EDA: variants seen among roughly 807,000 people sequenced by gnomAD.
The protein encoded by EDA is ectodysplasin-A.
EDA carries 2 observed loss-of-function variants against 23.6 expected under a neutral mutation model. The ratio of observed to expected loss-of-function variants is 0.08; its 90% CI spans 0.03 to 0.27. The LOEUF is 0.27. Ranked by LOEUF, EDA falls within the 10% of genes least tolerant of loss-of-function variation. The pLI is 1.00. For missense variants in EDA, 229 were observed against 324.2 expected, an observed-to-expected ratio of 0.71 and a Z score of 2.26; for synonymous variants, 131 against 132.0, an observed-to-expected ratio of 0.99 and a Z score of 0.05.
chrX:69,865,337 G>A (rs2017468136), intron 1 of EDA, among the ~76,000 whole-genome samples: 1 of 110,128 alleles, frequency 9.1e-6, no homozygotes, highest in Non-Finnish European at 1.9e-5. Context: ...TATATATAGT[G>A]GGATCACAAG....
At chrX:69,623,750 C>T (rs750750263) in intron 1 of EDA, among the ~76,000 whole-genome samples, 2 of 107,953 alleles carry the variant, frequency 1.9e-5, no homozygotes, top group South Asian at 4.1e-4. Context: ...TAGATATTGC[C>T]GTGTCTCTAT....
At chrX:69,825,196 G>A (rs368419847) in intron 1 of EDA, among the ~76,000 whole-genome samples, 1,057 of 93,743 alleles carry the variant, frequency 0.011, 10 homozygotes, top group African/African-American at 0.04. Context: ...TTGGTATCAG[G>A]ATGATGCTGG....
chrX:69,829,017 C>G (rs928694289), intron 1 of EDA, among the ~76,000 whole-genome samples: 1 of 112,441 alleles, frequency 8.9e-6, no homozygotes, highest in African/African-American at 3.2e-5. Flanking sequence ...AAATAGTCCA[C>G]TTATGCCCCT....
At chrX:69,619,079 C>T (rs1487496722) in intron 1 of EDA, among the ~76,000 whole-genome samples, 3 of 112,121 alleles carry the variant, frequency 2.7e-5, no homozygotes, top group Non-Finnish European at 3.8e-5. Flanking sequence ...GATTCTGATT[C>T]AGTAAATAAG....
chrX:69,852,109 G>A (rs1040685703), intron 1 of EDA, among the ~76,000 whole-genome samples: 3 of 111,952 alleles, frequency 2.7e-5, no homozygotes, highest in African/African-American at 9.7e-5. Flanking sequence ...TTCACGGAGG[G>A]TAGGAAGTTT....
chrX:69,798,019 A>G (rs768306156), intron 1 of EDA, among the ~76,000 whole-genome samples: 2 of 112,024 alleles, frequency 1.8e-5, no homozygotes, highest in Non-Finnish European at 3.8e-5. Flanking sequence ...GAGCAGGAGT[A>G]GCTATACTTA....
rs780018693 is a variant in EDA, at chrX:69,711,422, G to A, written c.396+94718G>A. ...GTATTTTATTGAGGATTTTTGCATC[G>A]ATGTACATCAGGGATATTGGTCTAA... On this transcript the variant is annotated intron_variant, in intron 1 of 7. Coordinates refer to ENST00000374552, the MANE Select transcript of EDA (RefSeq NM_001399.5). 4.6e-4 allele frequency among the ~76,000 whole-genome samples: 51 copies of A among 111,433 alleles called. No individual in the cohort carries two copies. In the South Asian group the frequency reaches 6.4e-3, roughly 14 times the overall value.
chrX:69,882,657 A>G, intron 1 of EDA, among the ~76,000 whole-genome samples: 2 of 111,799 alleles, frequency 1.8e-5, no homozygotes, highest in South Asian at 7.6e-4. Context: ...CTTCAGTGGA[A>G]ATATACACTG....
chrX:69,621,337 T>C (rs1192105328), intron 1 of EDA, among the ~76,000 whole-genome samples: 1 of 112,252 alleles, frequency 8.9e-6, no homozygotes, highest in Admixed American at 9.4e-5. Flanking sequence ...CATTTCTTTC[T>C]TTTATTAAAA....
At chrX:69,714,082 C>T (rs2012210066) in intron 1 of EDA, among the ~76,000 whole-genome samples, 1 of 111,176 alleles carries the variant, frequency 9.0e-6, no homozygotes, top group Non-Finnish European at 1.9e-5. Flanking sequence ...GCATTTGGCA[C>T]TGTCACTATT....
At position 70,037,899 on chromosome X, in the gene EDA, A is replaced by G. The variant is rs992090349; in HGVS notation, c.*2290A>G. On this transcript the variant is annotated 3_prime_UTR_variant, in exon 8 of 8. Coordinates refer to ENST00000374552, the MANE Select transcript of EDA (RefSeq NM_001399.5). ...GCAGCAGGCCTCTGGGACCCACAGA[A>G]CTTGTGGCCTTTATGTTCTTTCACC... 1 of 111,614 alleles carries G rather than the reference A, an allele frequency of 9.0e-6. No individual in the cohort carries two copies. Among genetic ancestry groups the G allele is most frequent in the Admixed American group, 9.5e-5 (1 of 10,523 alleles). The allele number at this position is 111,614 out of a possible 1,213,427, so 9.2% of individuals were successfully genotyped here.
At chrX:69,802,291 A>T (rs1252828881) in intron 1 of EDA, among the ~76,000 whole-genome samples, 1 of 109,597 alleles carries the variant, frequency 9.1e-6, no homozygotes, top group Non-Finnish European at 1.9e-5. Flanking sequence ...GTTTATATAA[A>T]GTTTTAAAAT....
At chrX:70,023,373 T>C (rs937295201) in intron 3 of EDA, 132 bp downstream of exon 3, 16 of 413,304 alleles carry the variant, frequency 3.9e-5, no homozygotes, top group Non-Finnish European at 6.7e-5. Flanking sequence ...CAATCATATG[T>C]TATCTTCTTG....
At chrX:69,668,509 C>A (rs55886137) in intron 1 of EDA, among the ~76,000 whole-genome samples, 1 of 111,557 alleles carries the variant, frequency 9.0e-6, no homozygotes, top group African/African-American at 3.3e-5. Flanking sequence ...CCAGTATTTC[C>A]TTATGAATTT....
intron 1 of EDA, among the ~76,000 whole-genome samples, chrX:69,788,024 C>A (rs1050653942): frequency 1.8e-5 from 2 of 111,239 alleles, no homozygotes; most frequent in Admixed American, 9.6e-5. Flanking sequence ...CTTCCCTTCT[C>A]GCTTCATTTC....
Position 70,035,636 on chromosome X carries a change from G to T in EDA, c.*27G>T. 8.3e-7 allele frequency: 1 copy of T among 1,205,496 alleles called. No homozygotes were observed. On this transcript the variant is annotated 3_prime_UTR_variant, in exon 8 of 8. Coordinates refer to ENST00000374552, the MANE Select transcript of EDA (RefSeq NM_001399.5). ...TTCCCCCCATTTTGCCTCTGTCCGTGCCCCTTCCCTGGGTTTGGGAGCCAG... is the reference window on the plus strand; with the variant it reads ...TTCCCCCCATTTTGCCTCTGTCCGTTCCCCTTCCCTGGGTTTGGGAGCCAG...
chrX:69,973,805 A>T lies in EDA; in HGVS notation c.502+16673A>T, dbSNP rs913237368. Among the ~76,000 whole-genome samples, 3 of 111,715 alleles carry T rather than the reference A, an allele frequency of 2.7e-5. No individual in the cohort carries two copies. The Admixed American group carries it at 2.9e-4, about 11-fold the overall frequency. On this transcript the variant is annotated intron_variant, in intron 2 of 7. Coordinates refer to ENST00000374552, the MANE Select transcript of EDA (RefSeq NM_001399.5). Reference sequence around the variant, plus strand: ...AACTGTAGCAACAGTTATGAATATGAGTGAATCTTACCAATATAATGTTAA... The same window carrying T: ...AACTGTAGCAACAGTTATGAATATGTGTGAATCTTACCAATATAATGTTAA...
chrX:69,987,794 A>C (rs2019526044), intron 2 of EDA, among the ~76,000 whole-genome samples: 1 of 111,392 alleles, frequency 9.0e-6, no homozygotes, highest in Non-Finnish European at 1.9e-5. Flanking sequence ...AAAAGCAGAC[A>C]GCTTGCTCTT....
intron 1 of EDA, among the ~76,000 whole-genome samples, chrX:69,783,381 C>A (rs2015020602): frequency 9.1e-6 from 1 of 109,432 alleles, no homozygotes; most frequent in African/African-American, 3.3e-5. Flanking sequence ...TGGTGCGCTG[C>A]ACCCACTAAC....
Sources: allele counts gnomAD v4.1 joint callset (sites outside exome capture counted in the v4.1 genomes callset), GRCh38; gene constraint gnomAD v4.1.1; transcripts MANE v1.5; gene names NCBI Gene and HGNC (gene_info 2026-07-23, HGNC 2026-07-21).